The following F3 variants were observed in gnomAD, a reference collection of about 807,000 sequenced individuals.
F3 encodes coagulation factor III, tissue factor.
Under a neutral mutation model 33.5 loss-of-function variants are expected in F3, and 18 were observed. That is an observed-to-expected ratio of 0.54 (90% CI 0.37 to 0.80). The LOEUF is 0.80. Among genes scored for constraint, F3 ranks in the 30% least tolerant of loss-of-function variants. The probability of loss-of-function intolerance (pLI) is 0.00; values close to 1 mark genes in which losing one functional copy is unlikely to be tolerated. For missense variants in F3, 353 were observed against 362.1 expected (o/e 0.97, Z 0.20); for synonymous variants, 147 against 140.7 (o/e 1.05, Z -0.32).
At chr1:94,531,561 C>T (rs1651427088) in intron 5 of F3, among the ~76,000 whole-genome samples, 1 of 152,154 alleles carries the variant, frequency 6.6e-6, no homozygotes, top group South Asian at 2.1e-4. Flanking sequence ...CTGGGCCTCC[C>T]AAAGTGCAGG....
intron 5 of F3, 90 bp from the exon 6 acceptor site, chr1:94,530,686 A>C (rs1651397072): frequency 4.7e-6 from 7 of 1,487,514 alleles, no homozygotes; most frequent in South Asian, 1.2e-5. Context: ...AAATTACACC[A>C]TCCTATTTTT....
intron 4 of F3, 160 bp downstream of exon 4, chr1:94,532,930 C>G: frequency 1.4e-6 from 1 of 703,326 alleles, no homozygotes; most frequent in East Asian, 2.7e-5. Flanking sequence ...AGGACCAGGC[C>G]TGTTGTCCAC....
chr1:94,536,041 T>C lies in F3; in HGVS notation c.336A>G (p.Ala112=), dbSNP rs1471627298. 1 of 1,614,184 alleles carries C rather than the reference T, an allele frequency of 6.2e-7. No homozygotes were observed. Residue 112 remains alanine, a synonymous_variant, in exon 3 of 6, where the codon GCA becomes GCG. Transcript: ENST00000334047. ...TYLARVFSYP[A]GNVESTGSAG... is the part of the protein sequence containing the mutation. ...CAGAACCGGTGCTCTCCACATTCCC[T>C]GCCGGGTAGGAGAAGACCCGTGCCA...
intron 3 of F3, among the ~76,000 whole-genome samples, chr1:94,535,009 C>A (rs1330898744): frequency 6.6e-6 from 1 of 151,988 alleles, no homozygotes; most frequent in East Asian, 1.9e-4. Context: ...GAGGGTCTTG[C>A]AAATGGGGGC....
chr1:94,539,307 C>T (rs1651702479), intron 2 of F3, among the ~76,000 whole-genome samples: 1 of 152,022 alleles, frequency 6.6e-6, no homozygotes, highest in Non-Finnish European at 1.5e-5. Flanking sequence ...GCTGGTTTGG[C>T]AACTACTGTC....
chr1:94,533,449 G>T (rs1410971655), intron 3 of F3, among the ~76,000 whole-genome samples, 181 bp from the exon 4 acceptor site: 1 of 152,202 alleles, frequency 6.6e-6, no homozygotes, highest in African/African-American at 2.4e-5. Context: ...CTGTGGTAGT[G>T]CTGGCCCAAG....
chr1:94,532,389 C>G lies in F3; in HGVS notation c.683G>C (p.Arg228Pro), dbSNP rs780707936. ...CFSVQAVIPS[R>P]TVNRKSTDSP... Reference sequence around the variant, plus strand: ...GTCTGTACTCTTCCGGTTAACTGTTCGGGAGGGAATCACTGCTTGAACACT... The same window carrying G: ...GTCTGTACTCTTCCGGTTAACTGTTGGGGAGGGAATCACTGCTTGAACACT... Residue 228 changes from arginine to proline, a missense_variant, in exon 5 of 6, where the codon CGA becomes CCA. Arg to Pro is a moderately radical substitution (Grantham distance 103). Coordinates refer to ENST00000334047, the MANE Select transcript of F3 (RefSeq NM_001993.5). 2.5e-6 allele frequency: 4 copies of G among 1,613,978 alleles called. No homozygotes were observed. The highest frequency in any genetic ancestry group is 2.7e-5 in the African/African-American group (2 of 74,892).
intron 2 of F3, among the ~76,000 whole-genome samples, chr1:94,538,782 C>A (rs1261955157): frequency 6.6e-6 from 1 of 152,194 alleles, no homozygotes; most frequent in Non-Finnish European, 1.5e-5. Flanking sequence ...GAGAAGAGTG[C>A]ACACCTCAGG....
rs2101096521 is a variant in F3 at position 94,541,727 on chromosome 1, G to A, written c.-91C>T. 6.8e-6 allele frequency: 5 copies of A among 731,080 alleles called. No homozygotes were observed. The highest frequency in any genetic ancestry group is 9.8e-6 in the Non-Finnish European group (5 of 509,220). The allele number at this position is 731,080 out of a possible 1,614,324, so 45.3% of individuals were successfully genotyped here. On this transcript the variant is annotated 5_prime_UTR_variant, in exon 1 of 6. Coordinates refer to ENST00000334047, the MANE Select transcript of F3 (RefSeq NM_001993.5). The stretch of plus-strand genomic sequence containing the variant: ...GAAGGCGCCCTGGGCCGGCCAGAGG[G>A]AGTGCGAGGGGGTGCGGGGAGCTCG...
chr1:94,530,556 G>A lies in F3; in HGVS notation c.792C>T (p.Ile264=). ...YIIGAVVFVV[I]ILVIILAISL... Reference sequence around the variant, plus strand: ...ATATAGCCAGGATGATGACAAGGATGATGACCACAAATACCACAGCTCCAA... The same window carrying A: ...ATATAGCCAGGATGATGACAAGGATAATGACCACAAATACCACAGCTCCAA... The change falls in exon 6 of 6, where the codon ATC becomes ATT. Residue 264 remains isoleucine, a synonymous_variant. Transcript: ENST00000334047. 1 of 1,614,100 alleles carries A rather than the reference G, an allele frequency of 6.2e-7. No homozygotes were observed. Among genetic ancestry groups the A allele is most frequent in the Non-Finnish European group, 8.5e-7 (1 of 1,180,016 alleles).
intron 2 of F3, 55 bp downstream of exon 2, chr1:94,540,202 A>G (rs13306321): frequency 0.027 from 28,813 of 1,079,094 alleles, 758 homozygotes; most frequent in South Asian, 0.089. Flanking sequence ...CTTGTTCAGC[A>G]TAGGACAGTA....
At chr1:94,532,722 T>C (rs977443683) in intron 4 of F3, among the ~76,000 whole-genome samples, 2 of 152,336 alleles carry the variant, frequency 1.3e-5, no homozygotes, top group East Asian at 1.9e-4. Context: ...CTTTAGAAGA[T>C]ATCTGCAGTA....
chr1:94,534,374 C>T (rs1050453014), intron 3 of F3, among the ~76,000 whole-genome samples: 1 of 152,170 alleles, frequency 6.6e-6, no homozygotes, highest in Non-Finnish European at 1.5e-5. Context: ...TTTTCAACTG[C>T]ACAGGGAGTC....
At position 94,533,232 on chromosome 1, in the gene F3, T is replaced by G. The variant is rs1449697250; in HGVS notation, c.449A>C (p.Gln150Pro). The G allele has an allele frequency of 1.2e-6, 2 of 1,613,070 alleles. No homozygotes were observed. The highest frequency in any genetic ancestry group is 1.7e-6 in the Non-Finnish European group (2 of 1,179,844). Residue 150 changes from glutamine (Q) to proline (P), a missense_variant, in exon 4 of 6, where the codon CAG becomes CCG. Gln to Pro is a moderately conservative substitution (Grantham distance 76). Transcript: ENST00000334047. ...GGTCACATTCACTTTTGTTCCCACC[T>G]GTTCAAAACTCTGAATTGTTGGCTG... ...LGQPTIQSFE[Q>P]VGTKVNVTVE...
At position 94,531,600 on chromosome 1, in the gene F3, C is replaced by T. The variant is rs199962325; in HGVS notation, c.751+721G>A. Among the ~76,000 whole-genome samples the T allele has an allele frequency of 3.3e-5, 5 of 152,310 alleles. No homozygotes were observed. The East Asian group carries it at 7.7e-4, about 24-fold the overall frequency. On this transcript the variant is annotated intron_variant, in intron 5 of 5. Coordinates refer to ENST00000334047, the MANE Select transcript of F3 (RefSeq NM_001993.5). ...TACAGGCGTGAGCCACCACACCCAGCGTAAGCCATCGTTTATATCCCCTGA... is the reference window on the plus strand; with the variant it reads ...TACAGGCGTGAGCCACCACACCCAGTGTAAGCCATCGTTTATATCCCCTGA...
In F3 at chr1:94,541,679, C is replaced by G; in HGVS notation, c.-43G>C. The G allele has an allele frequency of 7.6e-7, 1 of 1,310,326 alleles. No homozygotes were observed. The highest frequency in any genetic ancestry group is 2.9e-5 in the East Asian group (1 of 34,082). The allele number at this position is 1,310,326 out of a possible 1,614,324, so 81.2% of individuals were successfully genotyped here. ...GAGATCGAGCGGGTTCCGTGGCGCC[C>G]GTGGGGCTGGGGAGGTTGGGCTGAA... On this transcript the variant is annotated 5_prime_UTR_variant, in exon 1 of 6. Transcript: ENST00000334047.
intron 4 of F3, among the ~76,000 whole-genome samples, chr1:94,532,700 C>A (rs1651466682): frequency 6.6e-6 from 1 of 152,158 alleles, no homozygotes; most frequent in African/African-American, 2.4e-5. Context: ...CATATTGAAC[C>A]CTATTGAGCC....
In F3 at chr1:94,540,372, T is replaced by C. The variant is rs756603904; in HGVS notation, c.101-4A>G. On this transcript the variant is annotated splice_polypyrimidine_tract_variant and splice_region_variant and intron_variant, in intron 1 of 5. Transcript: ENST00000334047. ...GCTGCCACAGTATTTGTAGTGCCTTTAAACAACAGAGAAACAGCTATTATT... is the reference window on the plus strand; with the variant it reads ...GCTGCCACAGTATTTGTAGTGCCTTCAAACAACAGAGAAACAGCTATTATT... The C allele has an allele frequency of 6.9e-6, 11 of 1,594,976 alleles. No homozygotes were observed. The highest frequency in any genetic ancestry group is 1.7e-5 in the Admixed American group (1 of 59,548).
Position 94,537,969 on chromosome 1 carries a change from G to T in F3, c.213-1805C>A, listed in dbSNP as rs75586029. On this transcript the variant is annotated intron_variant, in intron 2 of 5. Coordinates refer to ENST00000334047, the MANE Select transcript of F3 (RefSeq NM_001993.5). ...TATGTAACATAGAGATACAGTATTT[G>T]GTTCCTCCCAGCTCACAGCAGGGAC... 9.8e-3 allele frequency among the ~76,000 whole-genome samples: 1,491 copies of T among 152,246 alleles called. 29 individuals are homozygous for T. The highest frequency in any genetic ancestry group is 0.035 in the African/African-American group (1,444 of 41,538).
Sources: allele counts gnomAD v4.1 joint callset (sites outside exome capture counted in the v4.1 genomes callset), GRCh38; gene constraint gnomAD v4.1.1; transcripts MANE v1.5; gene names NCBI Gene and HGNC (gene_info 2026-07-23, HGNC 2026-07-21).